DPY30: variants seen among roughly 807,000 people sequenced by gnomAD.
DPY30 encodes protein dpy-30 homolog.
DPY30 carries 6 observed loss-of-function variants against 16.2 expected under a neutral mutation model. That is an observed-to-expected ratio of 0.37 (90% CI 0.20 to 0.73). DPY30 has a LOEUF of 0.73. Ranked by LOEUF, DPY30 falls within the 30% of genes least tolerant of loss-of-function variation. The pLI is 0.51. For missense variants in DPY30, 73 were observed against 113.1 expected (o/e 0.65, Z 1.61); for synonymous variants, 39 against 38.8 (o/e 1.00, Z -0.02).
chr2:32,017,014 C>G (rs1326531520), intron 5 of DPY30, among the ~76,000 whole-genome samples: 1 of 151,978 alleles, frequency 6.6e-6, no homozygotes, highest in Non-Finnish European at 1.5e-5. Context: ...TCCCGAGTAG[C>G]TGGGATTACA....
intron 5 of DPY30, among the ~76,000 whole-genome samples, chr2:32,012,495 A>C (rs1674974572): frequency 8.2e-6 from 1 of 121,474 alleles, no homozygotes; most frequent in Admixed American, 1.2e-4. Context: ...CAGTGGCTCG[A>C]TCTGGGCTCG....
At chr2:32,024,325 C>G (rs1675255621) in intron 4 of DPY30, 69 bp from the exon 5 acceptor site, 1 of 1,144,706 alleles carries the variant, frequency 8.7e-7, no homozygotes, top group Non-Finnish European at 1.3e-6. Flanking sequence ...ACATATTGTT[C>G]CATAATGAAA....
chr2:32,038,440 G>T (rs1466404156), intron 3 of DPY30, among the ~76,000 whole-genome samples: 1 of 145,636 alleles, frequency 6.9e-6, no homozygotes, highest in Non-Finnish European at 1.5e-5. Context: ...GGGAAATAGG[G>T]ACAGGGTCAC....
Position 32,039,272 on chromosome 2 carries a change from G to A in DPY30, c.84+7C>T, listed in dbSNP as rs1475977884. 2 of 1,614,148 alleles carry A rather than the reference G, an allele frequency of 1.2e-6. No individual in the cohort carries two copies. The highest frequency in any genetic ancestry group is 1.7e-5 in the Admixed American group (1 of 60,016). On this transcript the variant is annotated splice_region_variant and intron_variant, in intron 3 of 4. Transcript: ENST00000342166. ...CACAGATGAGGCATAGGAACTTGGC[G>A]AGTTACCTCAACGTTGTCTGTGAGA... is the stretch of plus-strand genomic sequence containing the variant.
intron 4 of DPY30, 95 bp downstream of exon 4, chr2:32,029,499 C>A: frequency 7.1e-7 from 1 of 1,398,624 alleles, no homozygotes; most frequent in Non-Finnish European, 9.8e-7. Context: ...ATAAATCACA[C>A]AGTAAAAAGT....
intron 3 of DPY30, 108 bp from the exon 4 acceptor site, chr2:32,029,844 G>GACT: frequency 8.0e-7 from 1 of 1,245,332 alleles, no homozygotes; most frequent in East Asian, 2.4e-5. Context: ...GCAAATCAAT[G>GACT]ACTAGAAAGA....
At chr2:32,034,987 C>T (rs1365575032) in intron 3 of DPY30, among the ~76,000 whole-genome samples, 1 of 151,046 alleles carries the variant, frequency 6.6e-6, no homozygotes, top group Non-Finnish European at 1.5e-5. Flanking sequence ...AAGAGCAAAA[C>T]TCCATCTCAA....
intron 3 of DPY30, among the ~76,000 whole-genome samples, chr2:32,038,392 C>CA (rs1249144132): frequency 9.1e-6 from 1 of 109,910 alleles, no homozygotes; most frequent in Non-Finnish European, 1.7e-5. Flanking sequence ...TGAGCCACCG[C>CA]GTCCGGCCTT....
At chr2:32,015,456 T>G (rs943235762) in intron 5 of DPY30, among the ~76,000 whole-genome samples, 4 of 152,120 alleles carry the variant, frequency 2.6e-5, no homozygotes, top group African/African-American at 4.8e-5. Flanking sequence ...AGATAAAAAT[T>G]TATTCATTTC....
At chr2:32,037,105 T>C (rs1328145600) in intron 3 of DPY30, among the ~76,000 whole-genome samples, 1 of 152,130 alleles carries the variant, frequency 6.6e-6, no homozygotes, top group Non-Finnish European at 1.5e-5. Context: ...TTTCAGACAT[T>C]CAGAAGCTGA....
chr2:32,034,852 C>T (rs557928934), intron 3 of DPY30, among the ~76,000 whole-genome samples: 7 of 151,822 alleles, frequency 4.6e-5, no homozygotes, highest in South Asian at 4.2e-4. Context: ...TACAAAAATT[C>T]GGCAGGCATG....
intron 5 of DPY30, among the ~76,000 whole-genome samples, chr2:32,017,181 C>T (rs1675082487): frequency 6.6e-6 from 1 of 152,100 alleles, no homozygotes; most frequent in Non-Finnish European, 1.5e-5. Context: ...CGGCGCCCGG[C>T]CATATAGTAG....
At chr2:32,038,542 A>G (rs1451826253) in intron 3 of DPY30, among the ~76,000 whole-genome samples, 1 of 151,810 alleles carries the variant, frequency 6.6e-6, no homozygotes, top group Non-Finnish European at 1.5e-5. Flanking sequence ...ACTCCAGCCC[A>G]GGAGTTACTG....
intron 4 of DPY30, among the ~76,000 whole-genome samples, chr2:32,024,961 T>A (rs369206717): frequency 3.3e-4 from 51 of 152,326 alleles, no homozygotes; most frequent in African/African-American, 1.2e-3. Flanking sequence ...TTATTCTTGC[T>A]GAGAATACAA....
At chr2:32,035,721 G>A (rs1451539210) in intron 3 of DPY30, among the ~76,000 whole-genome samples, 1 of 151,766 alleles carries the variant, frequency 6.6e-6, no homozygotes, top group Admixed American at 6.6e-5. Context: ...CTTACTTAAG[G>A]TCAGCAGTTT....
chr2:32,032,941 A>G (rs1362514383), intron 3 of DPY30, among the ~76,000 whole-genome samples: 1 of 152,116 alleles, frequency 6.6e-6, no homozygotes, highest in Non-Finnish European at 1.5e-5. Context: ...GGTTGCAGTG[A>G]GCCAAGATTG....
intron 3 of DPY30, among the ~76,000 whole-genome samples, chr2:32,032,910 T>A (rs559748395): frequency 2.1e-4 from 32 of 151,898 alleles, no homozygotes; most frequent in African/African-American, 7.2e-4. Context: ...GCAGGAGAAT[T>A]GCTTGAACCC....
chr2:32,036,098 C>T (rs967503587), intron 3 of DPY30, among the ~76,000 whole-genome samples: 1 of 151,592 alleles, frequency 6.6e-6, no homozygotes, highest in Non-Finnish European at 1.5e-5. Flanking sequence ...AATCCTCCCA[C>T]CTCAGTCTCC....
chr2:32,039,096 G>A (rs144644711), intron 3 of DPY30, among the ~76,000 whole-genome samples, 183 bp downstream of exon 3: 1 of 152,210 alleles, frequency 6.6e-6, no homozygotes, highest in African/African-American at 2.4e-5. Flanking sequence ...AACGTAATTT[G>A]TACGTCTGTA....
Sources: allele counts gnomAD v4.1 joint callset (sites outside exome capture counted in the v4.1 genomes callset), GRCh38; gene constraint gnomAD v4.1.1; transcripts MANE v1.5; gene names NCBI Gene and HGNC (gene_info 2026-07-23, HGNC 2026-07-21).